Variants in TCF4 observed in about 807,000 individuals in gnomAD.
TCF4 encodes SL3-3 enhancer factor 2.
In TCF4, 3 loss-of-function variants were observed where a neutral mutation model predicts 82.1. The ratio of observed to expected loss-of-function variants is 0.04; its 90% CI spans 0.02 to 0.09. TCF4 has a LOEUF of 0.09. TCF4 is among the 10% of genes least tolerant of loss of function. The pLI is 1.00. For synonymous variants in TCF4, 276 were observed against 309.6 expected (o/e 0.89, Z 1.14); for missense variants, 518 against 852.7 (o/e 0.61, Z 4.89).
intron 4 of TCF4, among the ~76,000 whole-genome samples, chr18:55,461,724 G>A (rs1296174040): frequency 6.6e-6 from 1 of 152,108 alleles, no homozygotes; most frequent in East Asian, 1.9e-4. Context: ...GCATAAATTA[G>A]CATTTCTGGA....
intron 1 of TCF4, among the ~76,000 whole-genome samples, chr18:55,632,885 C>T (rs987908280): frequency 1.3e-5 from 2 of 152,044 alleles, no homozygotes; most frequent in Non-Finnish European, 2.9e-5. Flanking sequence ...CAAAGTCTCA[C>T]ACATGTTGGG....
chr18:55,580,085 A>T (rs898361357), intron 3 of TCF4, among the ~76,000 whole-genome samples: 8 of 152,040 alleles, frequency 5.3e-5, no homozygotes, highest in African/African-American at 1.9e-4. Flanking sequence ...AATGTTAAGC[A>T]TTTCAGTTTC....
intron 8 of TCF4, among the ~76,000 whole-genome samples, chr18:55,335,250 C>CT (rs1195748448): frequency 6.6e-6 from 1 of 152,190 alleles, no homozygotes. Context: ...TGTTTCAGGT[C>CT]TGACTGTTTG....
chr18:55,398,036 G>A (rs552398913), intron 6 of TCF4, among the ~76,000 whole-genome samples: 9 of 152,074 alleles, frequency 5.9e-5, no homozygotes, highest in South Asian at 2.1e-4. Flanking sequence ...GATTTTCCCC[G>A]TTAACATCCA....
intron 8 of TCF4, among the ~76,000 whole-genome samples, chr18:55,317,660 A>G (rs574928007): frequency 6.6e-6 from 1 of 152,144 alleles, no homozygotes; most frequent in African/African-American, 2.4e-5. Context: ...TTCATACCCC[A>G]ATTTTCAGCT....
intron 6 of TCF4, among the ~76,000 whole-genome samples, chr18:55,382,314 C>T (rs1291907341): frequency 1.3e-5 from 2 of 151,696 alleles, no homozygotes; most frequent in African/African-American, 2.4e-5. Flanking sequence ...CACTTAGTCA[C>T]GTAGCCTTTC....
At chr18:55,595,148 A>G (rs1029675655) in intron 2 of TCF4, among the ~76,000 whole-genome samples, 16 of 152,246 alleles carry the variant, frequency 1.1e-4, no homozygotes, top group Non-Finnish European at 4.4e-5. Context: ...TGAGGCTGCC[A>G]CTAAATCTTT....
At chr18:55,257,495 T>C in intron 13 of TCF4, 104 bp from the exon 14 acceptor site, 1 of 1,126,150 alleles carries the variant, frequency 8.9e-7, no homozygotes, top group Non-Finnish European at 1.3e-6. Context: ...AATGATGATT[T>C]TCATTTAAAC....
chr18:55,458,842 T>C (rs1467341133), intron 5 of TCF4, among the ~76,000 whole-genome samples: 1 of 152,118 alleles, frequency 6.6e-6, no homozygotes, highest in East Asian at 1.9e-4. Context: ...CCTTTTCCAT[T>C]TTTTTTGCAT....
At chr18:55,233,736 T>C (rs1212996718) in intron 16 of TCF4, among the ~76,000 whole-genome samples, 1 of 151,006 alleles carries the variant, frequency 6.6e-6, no homozygotes, top group Non-Finnish European at 1.5e-5. Flanking sequence ...GGAGAATCGC[T>C]TGAACCTGGG....
intron 15 of TCF4, among the ~76,000 whole-genome samples, chr18:55,239,613 A>C (rs758121031): frequency 6.6e-6 from 1 of 152,190 alleles, no homozygotes; most frequent in Non-Finnish European, 1.5e-5. Flanking sequence ...TCTTTATTGC[A>C]GGGGGAAAAT....
chr18:55,557,116 C>T (rs556583777), intron 3 of TCF4, among the ~76,000 whole-genome samples: 10 of 152,276 alleles, frequency 6.6e-5, no homozygotes, highest in African/African-American at 2.4e-4. Flanking sequence ...ATGTGTAATT[C>T]CTGTTTAATG....
chr18:55,618,900 T>G (rs586973), intron 2 of TCF4, among the ~76,000 whole-genome samples: 151,942 of 152,178 alleles, frequency 1, 75,854 homozygotes, highest in Middle Eastern at 1. Context: ...ATTCTTTATT[T>G]TGTTTATTTC....
At chr18:55,380,166 G>A (rs1172682084) in intron 6 of TCF4, among the ~76,000 whole-genome samples, 5 of 152,208 alleles carry the variant, frequency 3.3e-5, no homozygotes, top group Middle Eastern at 3.4e-3. Flanking sequence ...ACAGGTGTGA[G>A]CCACCACGAG....
chr18:55,332,414 G>C (rs746438937), intron 8 of TCF4: 1 of 152,132 alleles, frequency 6.6e-6, no homozygotes, highest in Non-Finnish European at 1.5e-5. Flanking sequence ...CAGTAAGCCA[G>C]GTGGCTGATT....
At position 55,488,957 on chromosome 18, in the gene TCF4, C is replaced by A. The variant is rs140484516; in HGVS notation, c.146-24820G>T. Among the ~76,000 whole-genome samples the A allele has an allele frequency of 1.4e-3, 217 of 152,330 alleles. 2 individuals carry two copies. The highest frequency in any genetic ancestry group is 4.9e-3 in the African/African-American group (205 of 41,578). ...ATCTGTAATCCTCCAATTTACCCCA[C>A]AATTTCCTGTCACCTAGAATCTCTG... On this transcript the variant is annotated intron_variant, in intron 3 of 19. Coordinates refer to ENST00000354452, the MANE Select transcript of TCF4 (RefSeq NM_001083962.2).
chr18:55,432,153 A>G (rs1406009938), intron 5 of TCF4, among the ~76,000 whole-genome samples: 1 of 152,016 alleles, frequency 6.6e-6, no homozygotes, highest in East Asian at 1.9e-4. Flanking sequence ...ATATACAAAA[A>G]TTAGCTGGGC....
At chr18:55,299,747 T>C (rs1159697467) in intron 8 of TCF4, among the ~76,000 whole-genome samples, 3 of 152,148 alleles carry the variant, frequency 2.0e-5, no homozygotes, top group Non-Finnish European at 4.4e-5. Flanking sequence ...TATAATGTTC[T>C]TTTCTCCTCT....
chr18:55,547,761 T>G lies in TCF4; in HGVS notation c.145+37519A>C, dbSNP rs541466673. Among the ~76,000 whole-genome samples, 8 of 152,308 alleles carry G rather than the reference T, an allele frequency of 5.3e-5. No homozygotes were observed. The East Asian group carries it at 1.3e-3, about 26-fold the overall frequency. On this transcript the variant is annotated intron_variant, in intron 3 of 19. Coordinates refer to ENST00000354452, the MANE Select transcript of TCF4 (RefSeq NM_001083962.2). ...TAGGCTGACTGACAACGCTGTAAAA[T>G]GCTCGCTTTGTGACCTGCTGCTCTG... is the stretch of plus-strand genomic sequence containing the variant.
Sources: gnomAD v4.1 joint callset for allele counts (sites outside exome capture counted in the v4.1 genomes callset) on GRCh38, gnomAD v4.1.1 for gene constraint, MANE v1.5 for transcripts, NCBI Gene and HGNC (gene_info 2026-07-23, HGNC 2026-07-21) for gene names.